Variants in NDP observed in about 807,000 individuals in gnomAD.
The protein encoded by NDP is norrin cystine knot growth factor NDP.
A neutral mutation model predicts 8.4 loss-of-function variants in NDP; 2 were observed. The ratio of observed to expected loss-of-function variants is 0.24; its 90% confidence interval spans 0.10 to 0.75. The LOEUF is 0.75. Ranked by LOEUF, NDP falls within the 30% of genes least tolerant of loss-of-function variation. NDP has a pLI of 0.73. For missense variants in NDP, 81 were observed against 110.1 expected, an observed-to-expected ratio of 0.74 and a Z score of 1.18; for synonymous variants, 55 against 45.6, an observed-to-expected ratio of 1.21 and a Z score of -0.83.
chrX:43,951,080 G>T (rs2035758661), intron 2 of NDP, among the ~76,000 whole-genome samples: 1 of 109,929 alleles, frequency 9.1e-6, no homozygotes, highest in South Asian at 3.9e-4. Context: ...GGTTATGTAA[G>T]AGGTTTTGCT....
chrX:43,968,922 G>A (rs1474387025), intron 1 of NDP, among the ~76,000 whole-genome samples: 1 of 111,506 alleles, frequency 9.0e-6, no homozygotes, highest in African/African-American at 3.3e-5. Context: ...GTCCTTTAAT[G>A]AATTTTAGCT....
chrX:43,970,282 C>T (rs1194010108), intron 1 of NDP, among the ~76,000 whole-genome samples: 3 of 112,030 alleles, frequency 2.7e-5, no homozygotes, highest in African/African-American at 9.7e-5. Context: ...CCTGCCTTCC[C>T]ATCCCCTCTG....
chrX:43,961,255 T>C (rs1244644923), intron 1 of NDP, among the ~76,000 whole-genome samples: 2 of 112,828 alleles, frequency 1.8e-5, no homozygotes, highest in African/African-American at 6.4e-5. Context: ...GAGGCCAATC[T>C]GGCAATACCT....
intron 2 of NDP, among the ~76,000 whole-genome samples, chrX:43,954,094 C>G (rs1297148085): frequency 8.9e-6 from 1 of 112,122 alleles, no homozygotes; most frequent in Non-Finnish European, 1.9e-5. Context: ...AGTATTTTGC[C>G]TTTTTCGCAG....
intron 2 of NDP, among the ~76,000 whole-genome samples, chrX:43,957,337 A>ATT (rs5902330): frequency 1.8e-4 from 19 of 107,240 alleles, no homozygotes; most frequent in East Asian, 8.8e-4. Flanking sequence ...TATTTACTCC[A>ATT]TTTTTTTTTG....
At chrX:43,962,860 C>A (rs923791155) in intron 1 of NDP, among the ~76,000 whole-genome samples, 1 of 112,052 alleles carries the variant, frequency 8.9e-6, no homozygotes, top group African/African-American at 3.2e-5. Flanking sequence ...TGGAAAAGAA[C>A]AACTGGTGCC....
At chrX:43,963,784 G>C (rs967954728) in intron 1 of NDP, among the ~76,000 whole-genome samples, 2 of 112,368 alleles carry the variant, frequency 1.8e-5, no homozygotes, top group Non-Finnish European at 3.8e-5. Context: ...CTCTTCCCAA[G>C]GCAGTTAATT....
chrX:43,963,453 A>G (rs1221512282), intron 1 of NDP, among the ~76,000 whole-genome samples: 2 of 112,093 alleles, frequency 1.8e-5, no homozygotes, highest in Non-Finnish European at 3.8e-5. Context: ...ATGACCTTGG[A>G]ATGGAGTCAG....
At position 43,958,758 on chromosome X, in the gene NDP, G is replaced by C; in HGVS notation, c.-113C>G. 1 of 656,504 alleles carries C rather than the reference G, an allele frequency of 1.5e-6. No individual in the cohort carries two copies. The highest frequency in any genetic ancestry group is 2.6e-5 in the Admixed American group (1 of 38,497). 54.1% of individuals were successfully genotyped at this position (656,504 alleles called of 1,213,427 possible). ...CCCGTTCAAGGAAAGGGCAGGATCG[G>C]GCTGAAGCTTTCTGGTTGTCATTGT... On this transcript the variant is annotated 5_prime_UTR_variant, in exon 2 of 3. Transcript: ENST00000642620.
At chrX:43,955,606 C>T in intron 2 of NDP, among the ~76,000 whole-genome samples, 1 of 112,537 alleles carries the variant, frequency 8.9e-6, no homozygotes, top group Non-Finnish European at 1.9e-5. Flanking sequence ...ACTTAGTCTT[C>T]CATGAAGATT....
At chrX:43,968,024 A>G (rs1294714342) in intron 1 of NDP, among the ~76,000 whole-genome samples, 2 of 112,030 alleles carry the variant, frequency 1.8e-5, no homozygotes, top group Non-Finnish European at 3.8e-5. Flanking sequence ...GTCAATGTTT[A>G]TGTCCAGATT....
intron 1 of NDP, chrX:43,960,683 G>C (rs2147210269): frequency 1.8e-5 from 2 of 112,440 alleles, no homozygotes; most frequent in East Asian, 5.6e-4. Context: ...CATTTCCCAA[G>C]TTTCACTGTG....
intron 2 of NDP, among the ~76,000 whole-genome samples, chrX:43,957,807 C>T (rs1337880267): frequency 9.9e-6 from 1 of 101,421 alleles, no homozygotes; most frequent in East Asian, 3.0e-4. Flanking sequence ...GTATGTTCCA[C>T]CCTACAATGT....
chrX:43,958,661 C>G lies in NDP; in HGVS notation c.-16G>C. On this transcript the variant is annotated 5_prime_UTR_variant, in exon 2 of 3. Transcript: ENST00000642620. ...GTTTTCTCATTGTTGTAAGGAAAAA[C>G]TTCTCTAGAAGAACAGCAGAGGGAG... 8.3e-7 allele frequency: 1 copy of G among 1,205,759 alleles called. No individual in the cohort carries two copies. The highest frequency in any genetic ancestry group is 2.2e-5 in the Admixed American group (1 of 46,007).
Position 43,953,127 on chromosome X carries a change from A to AACACAC in NDP, c.175-3107_175-3102dup, listed in dbSNP as rs58114928. Among the ~76,000 whole-genome samples, 194 of 98,240 alleles carry AACACAC rather than the reference A, an allele frequency of 2.0e-3. 3 individuals are homozygous for AACACAC. Among genetic ancestry groups the AACACAC allele is most frequent in the African/African-American group, 6.8e-3 (174 of 25,509 alleles). 85.3% of individuals were successfully genotyped at this position (98,240 alleles called of 115,157 possible). A position where few individuals can be genotyped will look rare whatever the true frequency, so the allele number is the denominator to read the frequency against. ...CAATTATTGAACCATTGATGTTCTC[A>AACACAC]ACACACACACACACACACACACACA... On this transcript the variant is annotated intron_variant, in intron 2 of 2. Transcript: ENST00000642620.
At chrX:43,961,683 A>G (rs1217072476) in intron 1 of NDP, among the ~76,000 whole-genome samples, 1 of 112,221 alleles carries the variant, frequency 8.9e-6, no homozygotes, top group Non-Finnish European at 1.9e-5. Context: ...TCATTAAAAA[A>G]TAAGGCTTTC....
At chrX:43,968,085 C>T (rs59750315) in intron 1 of NDP, among the ~76,000 whole-genome samples, 4,761 of 111,747 alleles carry the variant, frequency 0.043, 247 homozygotes, top group African/African-American at 0.15. Context: ...TGATTATGAG[C>T]ACTGGGGATA....
intron 2 of NDP, 120 bp from the exon 3 acceptor site, chrX:43,950,146 C>A: frequency 1.7e-6 from 1 of 602,849 alleles, no homozygotes; most frequent in Non-Finnish European, 2.7e-6. Context: ...AGACCAGTGG[C>A]TCAATGCATG....
chrX:43,968,106 G>A (rs541071121), intron 1 of NDP, among the ~76,000 whole-genome samples: 21 of 111,627 alleles, frequency 1.9e-4, no homozygotes, highest in African/African-American at 6.5e-4. Flanking sequence ...TGTCGCCAAC[G>A]GAAGTTACCC....
Sources: gnomAD v4.1 joint callset for allele counts (sites outside exome capture counted in the v4.1 genomes callset) on GRCh38, gnomAD v4.1.1 for gene constraint, MANE v1.5 for transcripts, NCBI Gene and HGNC (gene_info 2026-07-23, HGNC 2026-07-21) for gene names.